The following MYOCD variants were observed in gnomAD, a reference collection of about 807,000 sequenced individuals.
MYOCD encodes the protein myocardin.
MYOCD carries 32 observed loss-of-function variants against 96.1 expected under a neutral mutation model. The ratio of observed to expected loss-of-function variants is 0.33; its 90% CI spans 0.25 to 0.45. The LOEUF (loss-of-function observed/expected upper bound fraction) is 0.45. Among genes scored for constraint, MYOCD ranks in the 20% least tolerant of loss-of-function variants. The pLI, the probability that MYOCD is intolerant of heterozygous loss-of-function variation, is 1.00. For missense variants in MYOCD, 1,133 were observed against 1,200.6 expected, an observed-to-expected ratio of 0.94 and a Z score of 0.83; for synonymous variants, 469 against 469.0, an observed-to-expected ratio of 1.00 and a Z score of 0.00.
At chr17:12,699,069 A>T (rs1251860831) in intron 1 of MYOCD, among the ~76,000 whole-genome samples, 1 of 148,560 alleles carries the variant, frequency 6.7e-6, no homozygotes, top group Non-Finnish European at 1.5e-5. Flanking sequence ...TCATTCTTTC[A>T]TTATTTGTAA....
At chr17:12,740,675 A>T (rs773839751) in intron 7 of MYOCD, among the ~76,000 whole-genome samples, 5 of 152,076 alleles carry the variant, frequency 3.3e-5, no homozygotes, top group Non-Finnish European at 7.4e-5. Flanking sequence ...CTCTTCAGTT[A>T]ATTGCCTGGT....
intron 1 of MYOCD, among the ~76,000 whole-genome samples, chr17:12,703,660 T>C (rs2031174395): frequency 6.6e-6 from 1 of 152,156 alleles, no homozygotes; most frequent in African/African-American, 2.4e-5. Flanking sequence ...CTTAATTCCC[T>C]AACGTTAGAC....
chr17:12,698,063 A>G (rs905501096), intron 1 of MYOCD, among the ~76,000 whole-genome samples: 1 of 152,194 alleles, frequency 6.6e-6, no homozygotes, highest in Non-Finnish European at 1.5e-5. Flanking sequence ...TTGTGTGGGG[A>G]ATAATGTGCA....
chr17:12,761,130 T>A (rs1032036262), intron 13 of MYOCD: 9 of 162,792 alleles, frequency 5.5e-5, no homozygotes, highest in African/African-American at 2.2e-4. Context: ...GATGGTTCAT[T>A]CATGCTTAAA....
intron 1 of MYOCD, among the ~76,000 whole-genome samples, chr17:12,697,981 C>T (rs2030861826): frequency 6.6e-6 from 1 of 152,114 alleles, no homozygotes; most frequent in African/African-American, 2.4e-5. Context: ...GCAGGGATAT[C>T]ATAATCAAAG....
At chr17:12,681,352 A>G (rs1910454317) in intron 1 of MYOCD, among the ~76,000 whole-genome samples, 1 of 152,216 alleles carries the variant, frequency 6.6e-6, no homozygotes, top group Admixed American at 6.5e-5. Context: ...TCAAGCTCAC[A>G]AACCTGGCAG....
intron 1 of MYOCD, among the ~76,000 whole-genome samples, chr17:12,674,520 A>AAG (rs1309422437): frequency 1.8e-4 from 27 of 152,236 alleles, no homozygotes; most frequent in African/African-American, 6.3e-4. Flanking sequence ...CAACAAGAAG[A>AAG]AGAGATTTGC....
At chr17:12,695,426 T>G (rs2030698699) in intron 1 of MYOCD, among the ~76,000 whole-genome samples, 1 of 152,278 alleles carries the variant, frequency 6.6e-6, no homozygotes, top group East Asian at 1.9e-4. Context: ...TCGCAACATA[T>G]AGCTTTTGGA....
rs143926968 is a variant in MYOCD at position 12,671,433 on chromosome 17, G to T, written c.55+5190G>T. ...GGAGAGGCTAAATAAGGAGGTAGGG[G>T]TGTAGCCGAAAGGTAAGAAGCAGGT... On this transcript the variant is annotated intron_variant, in intron 1 of 13. Coordinates refer to ENST00000425538, the MANE Select transcript of MYOCD (RefSeq NM_001146312.3). Among the ~76,000 whole-genome samples, 9 of 152,232 alleles carry T rather than the reference G, an allele frequency of 5.9e-5. No homozygotes were observed. In the East Asian group the frequency reaches 1.7e-3, roughly 29 times the overall value.
chr17:12,715,603 C>G, intron 3 of MYOCD, 29 bp downstream of exon 3: 1 of 1,571,752 alleles, frequency 6.4e-7, no homozygotes, highest in Non-Finnish European at 8.8e-7. Flanking sequence ...TTGACCCAAG[C>G]TTAGACTATA....
At position 12,733,870 on chromosome 17, in the gene MYOCD, AAAAG is replaced by A. The variant is rs1490687268; in HGVS notation, c.416-2287_416-2284del. Among the ~76,000 whole-genome samples the A allele has an allele frequency of 4.4e-5, 6 of 137,330 alleles. 1 individual carries two copies. The East Asian group carries it at 1.4e-3, about 32-fold the overall frequency. 90.1% of individuals were successfully genotyped at this position (137,330 alleles called of 152,430 possible). On this transcript the variant is annotated intron_variant, in intron 5 of 13. Transcript: ENST00000425538. ...GACAGAGCAAGACTCCGTCTCAAAA[AAAAG>A]AAAAAAGAAAAAAAGAAAGAAATGA...
chr17:12,716,494 G>A (rs1248180057), intron 3 of MYOCD, among the ~76,000 whole-genome samples: 1 of 152,176 alleles, frequency 6.6e-6, no homozygotes, highest in East Asian at 1.9e-4. Context: ...AAGGTAATGA[G>A]ACTGGGTAGA....
In MYOCD at chr17:12,763,411, T is replaced by TCTC. The variant is rs1192114766; in HGVS notation, c.2730_2732dup (p.Pro911dup). 1.2e-6 allele frequency: 2 copies of TCTC among 1,607,842 alleles called. No homozygotes were observed. The highest frequency in any genetic ancestry group is 2.7e-5 in the African/African-American group (2 of 74,914). ...ACATGAGATCTTGCCAGGCCCCCTC[T>TCTC]CTCCAATGCAGACACAGTTTTCACC... On this transcript the variant is annotated inframe_insertion, in exon 14 of 14. Transcript: ENST00000425538.
intron 1 of MYOCD, among the ~76,000 whole-genome samples, chr17:12,685,552 G>A (rs1161113669): frequency 6.6e-6 from 1 of 150,982 alleles, no homozygotes; most frequent in African/African-American, 2.4e-5. Flanking sequence ...GTTGCGGTGA[G>A]CCAAGATCAT....
chr17:12,708,665 A>C (rs966697570), intron 2 of MYOCD, among the ~76,000 whole-genome samples: 1 of 152,148 alleles, frequency 6.6e-6, no homozygotes, highest in African/African-American at 2.4e-5. Flanking sequence ...TGCTGGGATT[A>C]CAGGCGTGAG....
At chr17:12,714,286 A>C (rs1445381767) in intron 2 of MYOCD, among the ~76,000 whole-genome samples, 1 of 149,356 alleles carries the variant, frequency 6.7e-6, no homozygotes, top group East Asian at 2.0e-4. Flanking sequence ...AACTATGTTC[A>C]GATTCAGCAT....
intron 1 of MYOCD, among the ~76,000 whole-genome samples, chr17:12,670,087 G>A (rs1021794194): frequency 1.4e-4 from 21 of 152,098 alleles, no homozygotes; most frequent in South Asian, 4.1e-4. Flanking sequence ...GTCTCTGGTC[G>A]TCTGGCAAGG....
intron 1 of MYOCD, chr17:12,671,974 T>G (rs1436354289): frequency 6.6e-6 from 1 of 152,234 alleles, no homozygotes; most frequent in East Asian, 1.9e-4. Flanking sequence ...AGCCAGCAGG[T>G]GCATTTCACA....
intron 9 of MYOCD, among the ~76,000 whole-genome samples, chr17:12,749,619 CA>C (rs981063562): frequency 6.9e-6 from 1 of 145,598 alleles, no homozygotes; most frequent in Admixed American, 6.9e-5. Flanking sequence ...ACACATGTCT[CA>C]AAACCTATAT....
Sources: gnomAD v4.1 joint callset for allele counts (sites outside exome capture counted in the v4.1 genomes callset) on GRCh38, gnomAD v4.1.1 for gene constraint, MANE v1.5 for transcripts, NCBI Gene and HGNC (gene_info 2026-07-23, HGNC 2026-07-21) for gene names.